ZFHX3: variants seen among roughly 807,000 people sequenced by gnomAD.
ZFHX3 encodes zinc finger homeobox 3, also known as zinc finger homeobox protein 3.
In ZFHX3, 42 loss-of-function variants were observed where a neutral mutation model predicts 279.1. The observed-to-expected ratio is 0.15, with a 90% CI of 0.12 to 0.19. The LOEUF (loss-of-function observed/expected upper bound fraction) is 0.19. Among genes scored for constraint, ZFHX3 ranks in the 10% least tolerant of loss-of-function variants. ZFHX3 has a pLI of 1.00. For missense variants in ZFHX3, 4,981 were observed against 4,754.0 expected (o/e 1.05, Z -1.40); for synonymous variants, 2,293 against 1,957.8 (o/e 1.17, Z -4.52).
At chr16:73,177,767 G>A (rs1452757640) in intron 5 of ZFHX3, among the ~76,000 whole-genome samples, 1 of 152,208 alleles carries the variant, frequency 6.6e-6, no homozygotes, top group Admixed American at 6.5e-5. Context: ...TAAAGAGTAG[G>A]AAAGGGATAG....
intron 4 of ZFHX3, among the ~76,000 whole-genome samples, chr16:73,259,444 C>G (rs973930326): frequency 3.3e-5 from 5 of 152,324 alleles, no homozygotes; most frequent in Middle Eastern, 3.4e-3. Context: ...ACTACTCTTA[C>G]TGTCTACGCT....
chr16:73,401,840 T>C (rs2017262201), intron 3 of ZFHX3: 1 of 152,216 alleles, frequency 6.6e-6, no homozygotes, highest in African/African-American at 2.4e-5. Flanking sequence ...GAAATGTGTG[T>C]GGAGGCTTAC....
chr16:73,448,433 A>C (rs371402081), intron 3 of ZFHX3, among the ~76,000 whole-genome samples: 1 of 152,198 alleles, frequency 6.6e-6, no homozygotes, highest in Non-Finnish European at 1.5e-5. Context: ...CTGCGGACTA[A>C]AATGTCATTA....
intron 3 of ZFHX3, among the ~76,000 whole-genome samples, chr16:73,416,744 G>C (rs925935301): frequency 1.4e-5 from 2 of 147,948 alleles, no homozygotes; most frequent in Admixed American, 6.7e-5. Context: ...TGCGGTGGCG[G>C]GCGCCTGTAG....
chr16:73,107,304 T>A (rs1021438210), intron 7 of ZFHX3, among the ~76,000 whole-genome samples: 1 of 151,928 alleles, frequency 6.6e-6, no homozygotes, highest in African/African-American at 2.4e-5. Flanking sequence ...AGCAAGACTC[T>A]GTCTCAAAAA....
At chr16:73,041,948 G>A (rs867267231) in intron 1 of ZFHX3, among the ~76,000 whole-genome samples, 2 of 152,156 alleles carry the variant, frequency 1.3e-5, no homozygotes, top group South Asian at 2.1e-4. Context: ...AGAGAAGTTG[G>A]GAGATGGAGA....
chr16:73,192,768 G>A (rs1480252986), intron 5 of ZFHX3, among the ~76,000 whole-genome samples: 2 of 152,162 alleles, frequency 1.3e-5, no homozygotes, highest in African/African-American at 4.8e-5. Context: ...CCATTTGTCC[G>A]TCCTCAGAGA....
chr16:73,434,164 G>A (rs750109961), intron 3 of ZFHX3, among the ~76,000 whole-genome samples: 3 of 152,110 alleles, frequency 2.0e-5, no homozygotes, highest in Non-Finnish European at 1.5e-5. Flanking sequence ...GATCGATCTT[G>A]GACTCGAAAG....
intron 1 of ZFHX3, among the ~76,000 whole-genome samples, chr16:72,977,453 G>A (rs1962398396): frequency 6.6e-6 from 1 of 152,106 alleles, no homozygotes; most frequent in South Asian, 2.1e-4. Context: ...GCAGAGAGGG[G>A]AGTCTTATTC....
chr16:73,324,725 T>C (rs1466141804), intron 3 of ZFHX3, among the ~76,000 whole-genome samples: 1 of 152,204 alleles, frequency 6.6e-6, no homozygotes, highest in African/African-American at 2.4e-5. Flanking sequence ...AGGCTTCACC[T>C]GAACTCTGTG....
At chr16:73,645,491 C>G (rs1352413089) in intron 2 of ZFHX3, among the ~76,000 whole-genome samples, 1 of 152,122 alleles carries the variant, frequency 6.6e-6, no homozygotes, top group East Asian at 1.9e-4. Context: ...CTCCTGACCT[C>G]GTGATCTGCC....
chr16:73,225,901 C>G (rs1398223398), intron 5 of ZFHX3, among the ~76,000 whole-genome samples: 1 of 152,172 alleles, frequency 6.6e-6, no homozygotes, highest in South Asian at 2.1e-4. Context: ...TTGACCGACA[C>G]CTACTACACT....
intron 4 of ZFHX3, among the ~76,000 whole-genome samples, chr16:73,262,470 G>A (rs1248474393): frequency 6.6e-6 from 1 of 152,170 alleles, no homozygotes; most frequent in South Asian, 2.1e-4. Context: ...CAAGTTACAA[G>A]TTATTCAACC....
intron 8 of ZFHX3, among the ~76,000 whole-genome samples, chr16:73,076,897 A>G: frequency 6.6e-6 from 1 of 152,078 alleles, no homozygotes; most frequent in East Asian, 1.9e-4. Context: ...GTATACGCAC[A>G]CACACACACA....
intron 1 of ZFHX3, among the ~76,000 whole-genome samples, chr16:72,988,268 A>C (rs1389454121): frequency 6.6e-6 from 1 of 152,210 alleles, no homozygotes; most frequent in Non-Finnish European, 1.5e-5. Flanking sequence ...TCAAAACCTG[A>C]AAGGCTCATA....
chr16:73,686,465 C>T (rs537574502), intron 1 of ZFHX3, among the ~76,000 whole-genome samples: 15 of 152,176 alleles, frequency 9.9e-5, no homozygotes, highest in Non-Finnish European at 1.6e-4. Flanking sequence ...TTGCATAACA[C>T]GTTTTGCAAA....
chr16:73,348,848 T>C (rs1182127151), intron 3 of ZFHX3, among the ~76,000 whole-genome samples: 1 of 152,228 alleles, frequency 6.6e-6, no homozygotes, highest in African/African-American at 2.4e-5. Context: ...TTCTCATTCA[T>C]TGGAGGCAAG....
At chr16:73,340,231 G>A (rs987242410) in intron 3 of ZFHX3, among the ~76,000 whole-genome samples, 9 of 152,224 alleles carry the variant, frequency 5.9e-5, no homozygotes. Context: ...AAGCAGCATG[G>A]TGTTGGTGCC....
intron 5 of ZFHX3, among the ~76,000 whole-genome samples, chr16:73,163,831 A>AAATG (rs1967299070): frequency 6.6e-6 from 1 of 152,240 alleles, no homozygotes; most frequent in Non-Finnish European, 1.5e-5. Flanking sequence ...ATAAATAAAT[A>AAATG]AAAATACTAC....
Sources: gnomAD v4.1 joint callset for allele counts (sites outside exome capture counted in the v4.1 genomes callset) on GRCh38, gnomAD v4.1.1 for gene constraint, MANE v1.5 for transcripts, NCBI Gene and HGNC (gene_info 2026-07-23, HGNC 2026-07-21) for gene names.